The following PKP4 variants were observed in gnomAD, a reference collection of about 807,000 sequenced individuals.
PKP4 encodes the protein plakophilin 4.
Under a neutral mutation model 145.1 loss-of-function variants are expected in PKP4, and 90 were observed. That is an observed-to-expected ratio of 0.62 (90% CI 0.52 to 0.74). The LOEUF (loss-of-function observed/expected upper bound fraction) is 0.74, where lower values mean the gene tolerates loss of function less well. Ranked by LOEUF, PKP4 falls within the 30% of genes least tolerant of loss-of-function variation. PKP4 has a pLI of 0.00. For missense variants in PKP4, 1,340 were observed against 1,482.7 expected, an observed-to-expected ratio of 0.90 and a Z score of 1.58; for synonymous variants, 563 against 577.2, an observed-to-expected ratio of 0.98 and a Z score of 0.35.
At position 158,621,383 on chromosome 2, in the gene PKP4, G is replaced by A. The variant is rs535556427; in HGVS notation, c.565G>A (p.Val189Met). ...SFIGSTNNHV[V>M]RNSRAEGQTL... is the part of the protein sequence containing the mutation. ...CATAGGATCAACTAACAACCATGTG[G>A]TGAGGAATTCAAGAGCTGAAGGACA... Residue 189 changes from valine (V) to methionine (M), a missense_variant, in exon 6 of 22, where the codon GTG becomes ATG. Physicochemically the swap from Val to Met is conservative, Grantham distance 21. Coordinates refer to ENST00000389759, the MANE Select transcript of PKP4 (RefSeq NM_003628.6). 1.2e-6 allele frequency: 2 copies of A among 1,614,142 alleles called. No homozygotes were observed. The highest frequency in any genetic ancestry group is 1.7e-6 in the Non-Finnish European group (2 of 1,179,998).
chr2:158,659,586 A>G (rs2056356199), intron 12 of PKP4: 1 of 152,228 alleles, frequency 6.6e-6, no homozygotes, highest in Admixed American at 6.5e-5. Flanking sequence ...TTGAATGGTT[A>G]CTTTGGTGGT....
intron 21 of PKP4, chr2:158,679,423 T>A (rs1421896101): frequency 2.0e-5 from 3 of 152,246 alleles, no homozygotes; most frequent in African/African-American, 7.2e-5. Context: ...TTCCAAGTTA[T>A]TCATAATTTA....
chr2:158,636,288 A>G (rs997502979), intron 9 of PKP4, among the ~76,000 whole-genome samples: 3 of 151,570 alleles, frequency 2.0e-5, no homozygotes, highest in Non-Finnish European at 4.4e-5. Context: ...TTTTTTTGCT[A>G]GATATATAAT....
chr2:158,560,316 C>G (rs1452648033), intron 2 of PKP4, among the ~76,000 whole-genome samples: 3 of 152,138 alleles, frequency 2.0e-5, no homozygotes, highest in Non-Finnish European at 2.9e-5. Flanking sequence ...AAAGGAACCA[C>G]TATTTTTCTC....
In PKP4 at chr2:158,554,889, A is replaced by ATG. The variant is rs1469403224; in HGVS notation, c.132+21575_132+21576dup. ...CCACACCTAGAAGAAAGGTACAAAG[A>ATG]TGTTAGGTAGCAAGAACAGCAGGGG... On this transcript the variant is annotated intron_variant, in intron 2 of 21. Transcript: ENST00000389759. 2.6e-5 allele frequency among the ~76,000 whole-genome samples: 4 copies of ATG among 152,202 alleles called. No homozygotes were observed. In the East Asian group the frequency reaches 7.7e-4, roughly 29 times the overall value.
chr2:158,647,603 C>T (rs1309042874), intron 11 of PKP4, among the ~76,000 whole-genome samples: 1 of 152,058 alleles, frequency 6.6e-6, no homozygotes, highest in African/African-American at 2.4e-5. Flanking sequence ...ATGTATTTTC[C>T]CAAGACAATA....
rs751587942 is a variant in PKP4, at chr2:158,666,496, A to T, written c.2661A>T (p.Arg887Ser). The change falls in exon 16 of 22, where the codon AGA (arginine) becomes AGT (serine). Residue 887 changes from arginine to serine, a missense_variant. Coordinates refer to ENST00000389759, the MANE Select transcript of PKP4 (RefSeq NM_003628.6). ...AGCTTCTGAGAATGGATAACGATAG[A>T]GTTGTTTCTTCCGTGGCAACAGCCT... is the stretch of plus-strand genomic sequence containing the variant. ...LVELLRMDND[R>S]VVSSVATALR... 2.2e-5 allele frequency: 36 copies of T among 1,613,652 alleles called. No homozygotes were observed. The highest frequency in any genetic ancestry group is 2.9e-5 in the Non-Finnish European group (34 of 1,179,858).
chr2:158,645,626 A>C (rs1186865655), intron 11 of PKP4, among the ~76,000 whole-genome samples: 1 of 152,224 alleles, frequency 6.6e-6, no homozygotes, highest in Non-Finnish European at 1.5e-5. Flanking sequence ...CATGGAAAAC[A>C]CAGCTTCTCC....
chr2:158,645,230 T>C (rs566762212), intron 11 of PKP4, among the ~76,000 whole-genome samples: 1 of 152,368 alleles, frequency 6.6e-6, no homozygotes, highest in Admixed American at 6.5e-5. Context: ...CTTTCTAAAA[T>C]GCTTTTGAGG....
chr2:158,601,229 A>C (rs2050199350), intron 3 of PKP4, among the ~76,000 whole-genome samples: 1 of 152,240 alleles, frequency 6.6e-6, no homozygotes, highest in Non-Finnish European at 1.5e-5. Context: ...GAGGATAAAA[A>C]GTCTTGTATT....
rs191952201 is a variant in PKP4 at position 158,584,392 on chromosome 2, G to T, written c.245+7009G>T. On this transcript the variant is annotated intron_variant, in intron 3 of 21. Coordinates refer to ENST00000389759, the MANE Select transcript of PKP4 (RefSeq NM_003628.6). ...CCAGTGCAGCCTTCCAATGGCAAGC[G>T]CATTCTAGTGGAAGACTCGGCCAGG... Among the ~76,000 whole-genome samples, 82 of 152,298 alleles carry T rather than the reference G, an allele frequency of 5.4e-4. 1 individual carries two copies. Among genetic ancestry groups the T allele is most frequent in the African/African-American group, 1.8e-3 (73 of 41,566 alleles).
rs1358267370 is a variant in PKP4 at position 158,465,880 on chromosome 2, TAAAC to T, written c.-6+8665_-6+8668del. Among the ~76,000 whole-genome samples the T allele has an allele frequency of 2.0e-5, 3 of 152,332 alleles. 1 individual carries two copies. The East Asian group carries it at 5.8e-4, about 29-fold the overall frequency. ...AATACTATTAGTCTGAGACCTGTGATAAACAACTCAGATGTTAAAGGTCTAATTC... is the reference window on the plus strand; with the variant it reads ...AATACTATTAGTCTGAGACCTGTGATAACTCAGATGTTAAAGGTCTAATTC... On this transcript the variant is annotated intron_variant, in intron 1 of 21. Transcript: ENST00000389759.
At chr2:158,500,670 C>T (rs1036378812) in intron 1 of PKP4, among the ~76,000 whole-genome samples, 5 of 152,204 alleles carry the variant, frequency 3.3e-5, no homozygotes, top group Non-Finnish European at 7.3e-5. Context: ...TGAGTCAGCC[C>T]TCTTACATTG....
At chr2:158,599,013 T>C (rs1251724017) in intron 3 of PKP4, among the ~76,000 whole-genome samples, 1 of 151,966 alleles carries the variant, frequency 6.6e-6, no homozygotes, top group Non-Finnish European at 1.5e-5. Context: ...GCTTCAGATG[T>C]AGGTTTGTGT....
intron 3 of PKP4, among the ~76,000 whole-genome samples, chr2:158,586,863 G>A (rs1364593294): frequency 1.3e-5 from 2 of 152,208 alleles, no homozygotes; most frequent in African/African-American, 2.4e-5. Context: ...CTCTACACAT[G>A]TGAATTAAAC....
rs748326772 is a variant in PKP4, at chr2:158,677,706, T to TATTTACTA, written c.3256+839_3256+840insATTTACTA. On this transcript the variant is annotated intron_variant, in intron 20 of 21. Coordinates refer to ENST00000389759, the MANE Select transcript of PKP4 (RefSeq NM_003628.6). The stretch of plus-strand genomic sequence containing the variant: ...TTCACAGGACTATTTACTAATCGAC[T>TATTTACTA]GTTGTTACTATGGCAATTAATAGCT... 1.0e-3 allele frequency among the ~76,000 whole-genome samples: 153 copies of TATTTACTA among 152,374 alleles called. 1 individual carries two copies. Among genetic ancestry groups the TATTTACTA allele is most frequent in the Non-Finnish European group, 1.8e-3 (122 of 68,042 alleles).
rs1157183002 is a variant in PKP4, at chr2:158,676,930, C to T, written c.3256+63C>T. ...AAAGCCGCATTTCCAGGCGCTTGGC[C>T]AGTGGCCTGGGAAGTAGCCTGTGCT... On this transcript the variant is annotated intron_variant, in intron 20 of 21. Coordinates refer to ENST00000389759, the MANE Select transcript of PKP4 (RefSeq NM_003628.6). 1.9e-6 allele frequency: 3 copies of T among 1,603,270 alleles called. No individual in the cohort carries two copies. In the African/African-American group the frequency reaches 4.0e-5, roughly 21 times the overall value.
intron 11 of PKP4, among the ~76,000 whole-genome samples, chr2:158,647,404 GTT>G (rs2054934755): frequency 6.6e-6 from 1 of 152,130 alleles, no homozygotes. Flanking sequence ...ATTCAACCCA[GTT>G]ATTAATCCAG....
intron 4 of PKP4, among the ~76,000 whole-genome samples, chr2:158,608,808 C>CTTTCT (rs1558879615): frequency 8.1e-5 from 7 of 86,166 alleles, no homozygotes; most frequent in East Asian, 3.4e-4. Flanking sequence ...TCTTTTCTTT[C>CTTTCT]TTTTTTTTTT....
Sources: allele counts gnomAD v4.1 joint callset (sites outside exome capture counted in the v4.1 genomes callset), GRCh38; gene constraint gnomAD v4.1.1; transcripts MANE v1.5; gene names NCBI Gene and HGNC (gene_info 2026-07-23, HGNC 2026-07-21).